Variants in RAD21 observed in about 807,000 individuals in gnomAD.
RAD21 encodes RAD21 cohesin complex component.
Under a neutral mutation model 71.5 loss-of-function variants are expected in RAD21, and 18 were observed. That is an observed-to-expected ratio of 0.25 (90% CI 0.17 to 0.37). The LOEUF (loss-of-function observed/expected upper bound fraction) is 0.37. RAD21 is among the 10% of genes least tolerant of loss of function. The probability of loss-of-function intolerance (pLI) is 1.00; values close to 1 mark genes in which losing one functional copy is unlikely to be tolerated. For missense variants in RAD21, 493 were observed against 769.1 expected (o/e 0.64, Z 4.25); for synonymous variants, 248 against 254.0 (o/e 0.98, Z 0.22).
At chr8:116,874,239 C>A (rs1330322872) in intron 1 of RAD21, 1 of 152,330 alleles carries the variant, frequency 6.6e-6, no homozygotes, top group Non-Finnish European at 1.5e-5. Flanking sequence ...CCAGAGCGGG[C>A]TCGTTCAAAC....
intron 1 of RAD21, among the ~76,000 whole-genome samples, chr8:116,870,363 T>C (rs1347943187): frequency 6.6e-6 from 1 of 152,136 alleles, no homozygotes; most frequent in African/African-American, 2.4e-5. Flanking sequence ...CCCGTGTTTA[T>C]TTTTTAAAAA....
At chr8:116,862,506 T>C (rs16888974) in intron 3 of RAD21, among the ~76,000 whole-genome samples, 13 of 152,204 alleles carry the variant, frequency 8.5e-5, no homozygotes, top group African/African-American at 2.9e-4. Context: ...GTTCACATAC[T>C]GACATAAACT....
intron 9 of RAD21, among the ~76,000 whole-genome samples, chr8:116,853,500 G>A (rs1429815045): frequency 6.6e-6 from 1 of 152,100 alleles, no homozygotes; most frequent in Non-Finnish European, 1.5e-5. Flanking sequence ...TTTTCACAGA[G>A]ATAGCTTTTC....
intron 1 of RAD21, among the ~76,000 whole-genome samples, chr8:116,871,135 G>C (rs1384549340): frequency 6.6e-6 from 1 of 152,188 alleles, no homozygotes; most frequent in East Asian, 1.9e-4. Flanking sequence ...TGAATAAGGA[G>C]AAAGTGTAAT....
intron 1 of RAD21, 90 bp downstream of exon 1, chr8:116,874,521 C>A (rs936731554): frequency 3.7e-6 from 1 of 270,314 alleles, no homozygotes; most frequent in Admixed American, 5.8e-5. Flanking sequence ...CCTCCCGCCC[C>A]CAGGAGTCCG....
At chr8:116,862,346 T>C (rs1812607967) in intron 3 of RAD21, among the ~76,000 whole-genome samples, 1 of 152,094 alleles carries the variant, frequency 6.6e-6, no homozygotes, top group Admixed American at 6.6e-5. Context: ...TTTCAAGTTG[T>C]CTATAATAAA....
At chr8:116,855,133 C>G (rs1280016706) in intron 8 of RAD21, among the ~76,000 whole-genome samples, 4 of 151,692 alleles carry the variant, frequency 2.6e-5, no homozygotes, top group African/African-American at 9.7e-5. Context: ...TGGTTCAACA[C>G]TTAAAAAAAA....
rs913494369 is a variant in RAD21, at chr8:116,851,701, A to G, written c.1470+247T>C. On this transcript the variant is annotated intron_variant, in intron 11 of 13. Coordinates refer to ENST00000297338, the MANE Select transcript of RAD21 (RefSeq NM_006265.3). ...ATCAGAACCAACTTCAGAGTCAAGGATGCTCACTCTGGAGCACTCTAAAGC... is the reference window on the plus strand; with the variant it reads ...ATCAGAACCAACTTCAGAGTCAAGGGTGCTCACTCTGGAGCACTCTAAAGC... 8.9e-6 allele frequency: 3 copies of G among 336,572 alleles called. No homozygotes were observed. The Admixed American group carries it at 1.4e-4, about 15-fold the overall frequency. The allele number at this position is 336,572 out of a possible 1,614,324, so 20.8% of individuals were successfully genotyped here. A position where few individuals can be genotyped will look rare whatever the true frequency, so the allele number is the denominator to read the frequency against.
At chr8:116,852,393 T>C (rs143111247) in intron 10 of RAD21, 156 bp downstream of exon 10, 611 of 833,074 alleles carry the variant, frequency 7.3e-4, no homozygotes, top group Non-Finnish European at 1.0e-3. Flanking sequence ...GGAGGCTTCA[T>C]ACTTAAATAA....
At chr8:116,850,556 G>A (rs935402654) in intron 12 of RAD21, 62 bp downstream of exon 12, 6 of 1,573,488 alleles carry the variant, frequency 3.8e-6, no homozygotes, top group Admixed American at 1.8e-5. Flanking sequence ...GCCCCAATAT[G>A]AAAAATAAAG....
chr8:116,873,878 C>G (rs1013722871), intron 1 of RAD21, among the ~76,000 whole-genome samples: 4 of 152,214 alleles, frequency 2.6e-5, no homozygotes, highest in Admixed American at 2.6e-4. Flanking sequence ...TATCCTTAAT[C>G]ACTTTAAAGA....
intron 1 of RAD21, 35 bp from the exon 2 acceptor site, chr8:116,866,796 T>C (rs1812703365): frequency 1.4e-6 from 2 of 1,415,524 alleles, no homozygotes; most frequent in Non-Finnish European, 1.9e-6. Flanking sequence ...GTAAACATCA[T>C]CTGACAATTT....
intron 1 of RAD21, among the ~76,000 whole-genome samples, chr8:116,871,032 A>C (rs1563695329): frequency 6.6e-6 from 1 of 152,224 alleles, no homozygotes; most frequent in Non-Finnish European, 1.5e-5. Flanking sequence ...AGTGATGCTA[A>C]AATTAATGTG....
chr8:116,864,366 G>T (rs1397520555), intron 2 of RAD21, among the ~76,000 whole-genome samples: 3 of 152,076 alleles, frequency 2.0e-5, no homozygotes, highest in South Asian at 2.1e-4. Context: ...ATTTGTAAAA[G>T]AAAATGTTGT....
At chr8:116,867,551 G>T (rs16889060) in intron 1 of RAD21, among the ~76,000 whole-genome samples, 4,025 of 150,158 alleles carry the variant, frequency 0.027, 197 homozygotes, top group African/African-American at 0.097. Flanking sequence ...ATTAACTGCA[G>T]GATATTTCCT....
At chr8:116,861,476 A>G (rs1394498238) in intron 4 of RAD21, among the ~76,000 whole-genome samples, 1 of 151,498 alleles carries the variant, frequency 6.6e-6, no homozygotes, top group Non-Finnish European at 1.5e-5. Context: ...GGCTCTGAGT[A>G]TAGCCTGGCC....
chr8:116,852,102 A>G lies in RAD21; in HGVS notation c.1322-6T>C, dbSNP rs758795841. ...CTCTTCAATAATGGGCTCATCTGCA[A>G]TTGGTCATATGAAGAGAAAACATAG... On this transcript the variant is annotated splice_region_variant and splice_polypyrimidine_tract_variant and intron_variant, in intron 10 of 13. Coordinates refer to ENST00000297338, the MANE Select transcript of RAD21 (RefSeq NM_006265.3). 5.6e-6 allele frequency: 9 copies of G among 1,597,404 alleles called. No individual in the cohort carries two copies. Among genetic ancestry groups the G allele is most frequent in the Admixed American group, 3.4e-5 (2 of 59,632 alleles).
rs1269427682 is a variant in RAD21 at position 116,846,843 on chromosome 8, A to C, written c.*657T>G. The C allele has an allele frequency of 2.3e-5, 5 of 218,906 alleles. No individual in the cohort carries two copies. In the Admixed American group the frequency reaches 2.3e-4, roughly 10 times the overall value. 13.6% of individuals were successfully genotyped at this position (218,906 alleles called of 1,614,324 possible). On this transcript the variant is annotated 3_prime_UTR_variant, in exon 14 of 14. Coordinates refer to ENST00000297338, the MANE Select transcript of RAD21 (RefSeq NM_006265.3). ...CAGTATAGCCAAGTTCATCAGAAAGACTCAAATGGAATGATTTACAAAATA... is the reference window on the plus strand; with the variant it reads ...CAGTATAGCCAAGTTCATCAGAAAGCCTCAAATGGAATGATTTACAAAATA...
chr8:116,863,283 T>C, intron 2 of RAD21, 24 bp from the exon 3 acceptor site: 1 of 1,593,148 alleles, frequency 6.3e-7, no homozygotes, highest in South Asian at 1.1e-5. Context: ...ATTAATCATA[T>C]TCCAAAACCT....
Sources: allele counts gnomAD v4.1 joint callset (sites outside exome capture counted in the v4.1 genomes callset), GRCh38; gene constraint gnomAD v4.1.1; transcripts MANE v1.5; gene names NCBI Gene and HGNC (gene_info 2026-07-23, HGNC 2026-07-21).